The following GRAMD1B variants were observed in gnomAD, a reference collection of about 807,000 sequenced individuals.
The protein encoded by GRAMD1B is GRAM domain containing 1B.
In GRAMD1B, 37 loss-of-function variants were observed where a neutral mutation model predicts 99.7. The ratio of observed to expected loss-of-function variants is 0.37; its 90% CI spans 0.29 to 0.49. The LOEUF is 0.49. Ranked by LOEUF, GRAMD1B falls within the 20% of genes least tolerant of loss-of-function variation. The probability of loss-of-function intolerance (pLI) is 0.98; values close to 1 mark genes in which losing one functional copy is unlikely to be tolerated. For synonymous variants in GRAMD1B, 427 were observed against 387.6 expected, an observed-to-expected ratio of 1.10 and a Z score of -1.19; for missense variants, 888 against 1,009.2, an observed-to-expected ratio of 0.88 and a Z score of 1.63.
chr11:123,597,198 A>G (rs1370516493), intron 7 of GRAMD1B, among the ~76,000 whole-genome samples: 3 of 149,740 alleles, frequency 2.0e-5, no homozygotes, highest in South Asian at 2.2e-4. Context: ...CCTAGGCTCA[A>G]AGGATCCTCT....
intron 1 of GRAMD1B, among the ~76,000 whole-genome samples, chr11:123,393,862 G>C (rs1414073785): frequency 6.6e-6 from 1 of 152,102 alleles, no homozygotes; most frequent in Admixed American, 6.5e-5. Flanking sequence ...CATTTGGCCA[G>C]CACCTCGACT....
At chr11:123,547,282 A>G (rs1353762786) in intron 2 of GRAMD1B, among the ~76,000 whole-genome samples, 2 of 152,188 alleles carry the variant, frequency 1.3e-5, no homozygotes, top group Non-Finnish European at 2.9e-5. Context: ...AAGCAGATGG[A>G]TGTCCCTGGT....
chr11:123,527,531 T>C (rs1409445519), intron 2 of GRAMD1B, among the ~76,000 whole-genome samples: 1 of 152,186 alleles, frequency 6.6e-6, no homozygotes, highest in Non-Finnish European at 1.5e-5. Context: ...CCCTCTCTCT[T>C]ACATTTAGTC....
At position 123,560,852 on chromosome 11, in the gene GRAMD1B, C is replaced by G. The variant is rs573857720; in HGVS notation, c.453-16515C>G. Among the ~76,000 whole-genome samples, 4 of 152,192 alleles carry G rather than the reference C, an allele frequency of 2.6e-5. No homozygotes were observed. The South Asian group carries it at 8.3e-4, about 32-fold the overall frequency. ...CTGGTTGTGTGCTTTTCTCATCTGA[C>G]GCAGGCTGCTCAGAGCTGCCAAGAA... is the stretch of plus-strand genomic sequence containing the variant. On this transcript the variant is annotated intron_variant, in intron 2 of 19. Coordinates refer to ENST00000635736, the MANE Select transcript of GRAMD1B (RefSeq NM_001387025.1).
At chr11:123,459,826 T>G (rs1327560304) in intron 1 of GRAMD1B, 1 of 152,242 alleles carries the variant, frequency 6.6e-6, no homozygotes, top group Non-Finnish European at 1.5e-5. Flanking sequence ...TCTGCTACCT[T>G]CTCACTGGAC....
In GRAMD1B at chr11:123,430,569, C is replaced by A; in HGVS notation, c.-224C>A. On this transcript the variant is annotated 5_prime_UTR_variant, in exon 1 of 20. Coordinates refer to ENST00000635736, the MANE Select transcript of GRAMD1B (RefSeq NM_001387025.1). ...CCCGGGTGGCCTCGCCGGCGGCTGA[C>A]GGCCCGGAGGACGCGCGCTCCGAAA... 1 of 451,354 alleles carries A rather than the reference C, an allele frequency of 2.2e-6. No homozygotes were observed. Among genetic ancestry groups the A allele is most frequent in the Admixed American group, 4.4e-5 (1 of 22,826 alleles). The allele number at this position is 451,354 out of a possible 1,614,324, so 28.0% of individuals were successfully genotyped here. A position where few individuals can be genotyped will look rare whatever the true frequency, so the allele number is the denominator to read the frequency against.
At position 123,591,336 on chromosome 11, in the gene GRAMD1B, A is replaced by G; in HGVS notation, c.685-2746A>G. On this transcript the variant is annotated intron_variant, in intron 4 of 19. Coordinates refer to ENST00000635736, the MANE Select transcript of GRAMD1B (RefSeq NM_001387025.1). This position sits in a 1 kb window ranked among gnomAD's most constrained non-coding sequence, Gnocchi z 4.7. Reference sequence around the variant, plus strand: ...CCAGTTGTTTTCATCGTGTGGGGACAGTCGGGAGTCAGTGCTCAGGGAGCC... The same window carrying G: ...CCAGTTGTTTTCATCGTGTGGGGACGGTCGGGAGTCAGTGCTCAGGGAGCC... The G allele has an allele frequency of 2.5e-6, 1 of 398,526 alleles. No individual in the cohort carries two copies. Among genetic ancestry groups the G allele is most frequent in the Non-Finnish European group, 4.4e-6 (1 of 226,034 alleles). The allele number at this position is 398,526 out of a possible 1,614,324, so 24.7% of individuals were successfully genotyped here.
intron 2 of GRAMD1B, among the ~76,000 whole-genome samples, chr11:123,490,059 G>A (rs534564857): frequency 8.5e-5 from 13 of 152,218 alleles, no homozygotes; most frequent in South Asian, 6.2e-4. Flanking sequence ...GCAAGCCCCC[G>A]TCTCAAAAAA....
chr11:123,392,223 C>G (rs1815985767), intron 1 of GRAMD1B, among the ~76,000 whole-genome samples: 1 of 151,998 alleles, frequency 6.6e-6, no homozygotes, highest in African/African-American at 2.4e-5. Flanking sequence ...AGAATGAAAG[C>G]AGGGACAAGT....
intron 19 of GRAMD1B, among the ~76,000 whole-genome samples, chr11:123,620,331 G>A (rs192165059): frequency 2.0e-5 from 3 of 152,114 alleles, no homozygotes; most frequent in African/African-American, 4.8e-5. Flanking sequence ...AAAATTAGCC[G>A]TGTATGGTGG....
At chr11:123,376,552 A>C (rs1320425718) in intron 1 of GRAMD1B, among the ~76,000 whole-genome samples, 1 of 152,216 alleles carries the variant, frequency 6.6e-6, no homozygotes, top group Non-Finnish European at 1.5e-5. Flanking sequence ...CTATCTTAGC[A>C]TGGATTCAAG....
intron 17 of GRAMD1B, 107 bp from the exon 18 acceptor site, chr11:123,618,586 C>A: frequency 1.2e-6 from 1 of 818,710 alleles, no homozygotes; most frequent in Non-Finnish European, 2.2e-6. Context: ...CACTGCAATG[C>A]TTTGGATGGC....
chr11:123,381,857 T>C (rs1159549700), intron 1 of GRAMD1B, among the ~76,000 whole-genome samples: 4 of 152,008 alleles, frequency 2.6e-5, no homozygotes, highest in African/African-American at 9.7e-5. Flanking sequence ...ACAGCAAGAG[T>C]GAGGTGGCGA....
chr11:123,553,988 CCT>C (rs1945889489), intron 2 of GRAMD1B, among the ~76,000 whole-genome samples: 1 of 152,176 alleles, frequency 6.6e-6, no homozygotes, highest in Non-Finnish European at 1.5e-5. Flanking sequence ...TTCCAAACTT[CCT>C]GACAGACTGT....
At chr11:123,469,250 G>A (rs2714039) in intron 1 of GRAMD1B, among the ~76,000 whole-genome samples, 7,711 of 152,222 alleles carry the variant, frequency 0.051, 206 homozygotes, top group East Asian at 0.071. Flanking sequence ...ATCATGGGAA[G>A]GCTAAAGGAT....
intron 2 of GRAMD1B, among the ~76,000 whole-genome samples, chr11:123,520,776 C>CAAAAAAAA (rs11219185): frequency 9.6e-6 from 1 of 103,694 alleles, no homozygotes; most frequent in Non-Finnish European, 1.9e-5. Context: ...GAGACCCTGT[C>CAAAAAAAA]AAAAAAAAAA....
At chr11:123,526,599 GT>G (rs765477816) in intron 2 of GRAMD1B, among the ~76,000 whole-genome samples, 1 of 152,130 alleles carries the variant, frequency 6.6e-6, no homozygotes, top group African/African-American at 2.4e-5. Context: ...TTGAGGGAGG[GT>G]GTGCGGGGGG....
intron 9 of GRAMD1B, 82 bp from the exon 10 acceptor site, chr11:123,605,240 A>G (rs1952554508): frequency 2.0e-6 from 2 of 982,050 alleles, no homozygotes; most frequent in South Asian, 2.1e-5. Context: ...ATATGGATGG[A>G]TAGAAAGGTC....
At chr11:123,368,275 A>AAAAAAAAAAAAAAAAAG (rs60644137) in intron 1 of GRAMD1B, among the ~76,000 whole-genome samples, 21 of 127,104 alleles carry the variant, frequency 1.7e-4, no homozygotes, top group African/African-American at 5.5e-4. Context: ...AAAAAAAAAA[A>AAAAAAAAAAAAAAAAAG]AAAGAAAGAA....
Sources: gnomAD v4.1 joint callset for allele counts (sites outside exome capture counted in the v4.1 genomes callset) on GRCh38, gnomAD v4.1.1 for gene constraint, Gnocchi (gnomAD v3.1) non-coding constraint, MANE v1.5 for transcripts, NCBI Gene and HGNC (gene_info 2026-07-23, HGNC 2026-07-21) for gene names.